Variants in MARCHF11 observed in about 807,000 individuals in gnomAD.
MARCHF11 encodes the protein membrane associated ring-CH-type finger 11.
MARCHF11 carries 29 observed loss-of-function variants against 37.3 expected under a neutral mutation model. That is an observed-to-expected ratio of 0.78 (90% CI 0.58 to 1.06). The LOEUF (loss-of-function observed/expected upper bound fraction) is 1.06, where lower values mean the gene tolerates loss of function less well. Among genes scored for constraint, MARCHF11 ranks in the 50% least tolerant of loss-of-function variants. The pLI, the probability that MARCHF11 is intolerant of heterozygous loss-of-function variation, is 0.00. For missense variants in MARCHF11, 482 were observed against 533.4 expected (o/e 0.90, Z 0.95); for synonymous variants, 233 against 228.0 (o/e 1.02, Z -0.20).
chr5:16,156,198 T>A, intron 2 of MARCHF11, among the ~76,000 whole-genome samples: 1 of 152,036 alleles, frequency 6.6e-6, no homozygotes, highest in East Asian at 1.9e-4. Context: ...GAGATCACTT[T>A]GTTGACCCTG....
At chr5:16,099,820 A>C (rs1382333) in intron 2 of MARCHF11, among the ~76,000 whole-genome samples, 57,673 of 152,038 alleles carry the variant, frequency 0.38, 11,672 homozygotes, top group East Asian at 0.57. Flanking sequence ...GTGTCTTGAC[A>C]AGAGATCATC....
intron 3 of MARCHF11, among the ~76,000 whole-genome samples, chr5:16,087,094 C>T (rs1376306923): frequency 1.3e-5 from 2 of 152,204 alleles, no homozygotes; most frequent in African/African-American, 4.8e-5. Context: ...TCCTGATTTA[C>T]AATCATGCCA....
At chr5:16,163,085 T>C (rs1738110547) in intron 2 of MARCHF11, among the ~76,000 whole-genome samples, 1 of 152,022 alleles carries the variant, frequency 6.6e-6, no homozygotes, top group Admixed American at 6.6e-5. Flanking sequence ...GTAACAAATG[T>C]TTAACAGTAG....
Position 16,090,869 on chromosome 5 carries a change from G to A in MARCHF11, c.886+20C>T, listed in dbSNP as rs185339696. On this transcript the variant is annotated intron_variant, in intron 3 of 3. Coordinates refer to ENST00000332432, the MANE Select transcript of MARCHF11 (RefSeq NM_001102562.3). Reference sequence around the variant, plus strand: ...AATGGATTACTGACAGTGTGTTAACGTTGAAGGTCATGGTCTTACCTATGC... The same window carrying A: ...AATGGATTACTGACAGTGTGTTAACATTGAAGGTCATGGTCTTACCTATGC... 48 of 1,478,592 alleles carry A rather than the reference G, an allele frequency of 3.2e-5. No homozygotes were observed. In the East Asian group the frequency reaches 9.7e-4, roughly 30 times the overall value. The allele number at this position is 1,478,592 out of a possible 1,614,324, so 91.6% of individuals were successfully genotyped here.
intron 3 of MARCHF11, among the ~76,000 whole-genome samples, chr5:16,076,843 G>T (rs759435392): frequency 1.3e-5 from 2 of 152,116 alleles, no homozygotes; most frequent in Admixed American, 6.5e-5. Context: ...AGCCATCCTC[G>T]GCCAAAGCCA....
chr5:16,134,965 A>G (rs1737582072), intron 2 of MARCHF11, among the ~76,000 whole-genome samples: 1 of 148,348 alleles, frequency 6.7e-6, no homozygotes, highest in Admixed American at 6.7e-5. Context: ...TACCTGCAGG[A>G]TTATGAGTGA....
chr5:16,086,448 T>A (rs930624485), intron 3 of MARCHF11, among the ~76,000 whole-genome samples: 2 of 152,182 alleles, frequency 1.3e-5, no homozygotes, highest in African/African-American at 4.8e-5. Context: ...GGAAAAATTT[T>A]AAGAGACCAA....
chr5:16,114,590 T>C (rs942710972), intron 2 of MARCHF11, among the ~76,000 whole-genome samples: 3 of 152,122 alleles, frequency 2.0e-5, no homozygotes, highest in African/African-American at 7.2e-5. Flanking sequence ...AATCACTCGA[T>C]AGCCCAACCA....
At chr5:16,165,880 G>T (rs1223079501) in intron 2 of MARCHF11, among the ~76,000 whole-genome samples, 1 of 151,996 alleles carries the variant, frequency 6.6e-6, no homozygotes, top group Non-Finnish European at 1.5e-5. Context: ...TACAAAGATG[G>T]GGGAATTGAG....
chr5:16,177,723 T>G lies in MARCHF11; in HGVS notation c.693+3A>C. ...AGGAAAAATAAATGTTGAAACTGCT[T>G]ACCTGGCAAGGTTGTTTCATTTTAA... On this transcript the variant is annotated splice_donor_region_variant and intron_variant, in intron 2 of 3. Transcript: ENST00000332432. 1 of 1,599,306 alleles carries G rather than the reference T, an allele frequency of 6.3e-7. No homozygotes were observed. Among genetic ancestry groups the G allele is most frequent in the Non-Finnish European group, 8.5e-7 (1 of 1,173,936 alleles).
At chr5:16,168,823 G>A (rs879726510) in intron 2 of MARCHF11, among the ~76,000 whole-genome samples, 1 of 152,064 alleles carries the variant, frequency 6.6e-6, no homozygotes, top group South Asian at 2.1e-4. Flanking sequence ...CAAATCCTCT[G>A]TTCTTGACTA....
At chr5:16,070,635 T>C (rs1736419540) in intron 3 of MARCHF11, among the ~76,000 whole-genome samples, 1 of 152,198 alleles carries the variant, frequency 6.6e-6, no homozygotes. Flanking sequence ...TGGGAATATA[T>C]TCCTGGTAGC....
At chr5:16,173,171 G>A (rs536927355) in intron 2 of MARCHF11, among the ~76,000 whole-genome samples, 3 of 152,322 alleles carry the variant, frequency 2.0e-5, no homozygotes, top group African/African-American at 7.2e-5. Context: ...AGTAGGCAAG[G>A]CAGGCCTTCG....
intron 2 of MARCHF11, among the ~76,000 whole-genome samples, chr5:16,159,426 A>C (rs1738036102): frequency 6.6e-6 from 1 of 151,926 alleles, no homozygotes; most frequent in Non-Finnish European, 1.5e-5. Flanking sequence ...CAACAAACCA[A>C]GTTCTTTATA....
chr5:16,087,286 T>A (rs1488533809), intron 3 of MARCHF11, among the ~76,000 whole-genome samples: 1 of 152,214 alleles, frequency 6.6e-6, no homozygotes, highest in African/African-American at 2.4e-5. Context: ...CTCTCCTTTA[T>A]CACTGTCTAA....
chr5:16,113,232 G>A (rs867027539), intron 2 of MARCHF11, among the ~76,000 whole-genome samples: 17 of 152,118 alleles, frequency 1.1e-4, no homozygotes, highest in Non-Finnish European at 2.1e-4. Context: ...GTATACATTG[G>A]ATTGACAATA....
rs186190600 is a variant in MARCHF11, at chr5:16,132,426, T to C, written c.694-41345A>G. 7.9e-5 allele frequency among the ~76,000 whole-genome samples: 12 copies of C among 152,294 alleles called. No individual in the cohort carries two copies. The East Asian group carries it at 2.3e-3, about 29-fold the overall frequency. On this transcript the variant is annotated intron_variant, in intron 2 of 3. Coordinates refer to ENST00000332432, the MANE Select transcript of MARCHF11 (RefSeq NM_001102562.3). ...TTCACTTTTGTCTTTAGCTTCTTCC[T>C]CCTTAACATGGACCTCATGACCCTT... is the stretch of plus-strand genomic sequence containing the variant.
intron 3 of MARCHF11, among the ~76,000 whole-genome samples, chr5:16,068,486 G>A (rs1251717925): frequency 6.6e-6 from 1 of 152,204 alleles, no homozygotes; most frequent in African/African-American, 2.4e-5. Flanking sequence ...ACAACTAGTA[G>A]CGGTGGAGAG....
chr5:16,080,917 T>C (rs1283259469), intron 3 of MARCHF11, among the ~76,000 whole-genome samples: 1 of 152,196 alleles, frequency 6.6e-6, no homozygotes, highest in Non-Finnish European at 1.5e-5. Flanking sequence ...GCATTCAGTT[T>C]GGTCTCCCTC....
Sources: gnomAD v4.1 joint callset for allele counts (sites outside exome capture counted in the v4.1 genomes callset) on GRCh38, gnomAD v4.1.1 for gene constraint, MANE v1.5 for transcripts, NCBI Gene and HGNC (gene_info 2026-07-23, HGNC 2026-07-21) for gene names.